NDUFB5: variants seen among roughly 807,000 people sequenced by gnomAD.
NDUFB5 encodes the protein NADH dehydrogenase [ubiquinone] 1 beta subcomplex subunit 5, mitochondrial.
In NDUFB5, 19 loss-of-function variants were observed where a neutral mutation model predicts 19.4. The observed-to-expected ratio is 0.98, with a 90% CI of 0.68 to 1.43. NDUFB5 has a LOEUF of 1.43. Among genes scored for constraint, NDUFB5 ranks in the 40% most tolerant of loss-of-function variants. NDUFB5 has a pLI of 0.00. For missense variants in NDUFB5, 233 were observed against 236.5 expected (o/e 0.99, Z 0.10); for synonymous variants, 80 against 82.6 (o/e 0.97, Z 0.17).
At position 179,615,035 on chromosome 3, in the gene NDUFB5, T is replaced by C; in HGVS notation, c.189T>C (p.Tyr63=). 1 of 1,607,254 alleles carries C rather than the reference T, an allele frequency of 6.2e-7. No homozygotes were observed. Among genetic ancestry groups the C allele is most frequent in the Non-Finnish European group, 8.5e-7 (1 of 1,175,696 alleles). The change falls in exon 2 of 6, where the codon TAT becomes TAC. Residue 63 remains tyrosine, a synonymous_variant. Coordinates refer to ENST00000259037, the MANE Select transcript of NDUFB5 (RefSeq NM_002492.4). ...RLFVIRPSRF[Y]DRRFLKLLRF... is the part of the protein sequence containing the mutation. Reference sequence around the variant, plus strand: ...TTGTCATCAGACCTTCTAGATTCTATGACAGGCGTTTTTTGAAGTTATTGG... The same window carrying C: ...TTGTCATCAGACCTTCTAGATTCTACGACAGGCGTTTTTTGAAGTTATTGG...
rs1011476176 is a variant in NDUFB5 at position 179,626,207 on chromosome 3, G to A, written c.*2167G>A. ...TGAGCATTTTTTCACATATCTAATG[G>A]CCATTCATATGTCTTCCTTTGAGAA... is the stretch of plus-strand genomic sequence containing the variant. On this transcript the variant is annotated 3_prime_UTR_variant, in exon 6 of 6. Coordinates refer to ENST00000259037, the MANE Select transcript of NDUFB5 (RefSeq NM_002492.4). 1 of 151,888 alleles carries A rather than the reference G, an allele frequency of 6.6e-6. No homozygotes were observed. The highest frequency in any genetic ancestry group is 2.4e-5 in the African/African-American group (1 of 41,330). The allele number at this position is 151,888 out of a possible 1,614,324, so 9.4% of individuals were successfully genotyped here. A position where few individuals can be genotyped will look rare whatever the true frequency, so the allele number is the denominator to read the frequency against.
chr3:179,613,591 T>TA (rs1375099550), intron 1 of NDUFB5, among the ~76,000 whole-genome samples: 1 of 152,234 alleles, frequency 6.6e-6, no homozygotes, highest in African/African-American at 2.4e-5. Flanking sequence ...CAAAAAAAAT[T>TA]ATGTATGTTT....
intron 5 of NDUFB5, among the ~76,000 whole-genome samples, chr3:179,618,864 A>C (rs1423854246): frequency 6.6e-6 from 1 of 152,172 alleles, no homozygotes; most frequent in East Asian, 1.9e-4. Context: ...AGGAAAAAAA[A>C]AATGGATAAA....
At chr3:179,615,473 CAG>C (rs557701423) in intron 2 of NDUFB5, 221 of 370,370 alleles carry the variant, frequency 6.0e-4, no homozygotes, top group African/African-American at 3.7e-3. Flanking sequence ...CAGAGAGTAA[CAG>C]GGATCTATAG....
In NDUFB5 at chr3:179,625,377, A is replaced by T. The variant is rs1400100096; in HGVS notation, c.*1337A>T. 6.6e-6 allele frequency: 1 copy of T among 152,206 alleles called. No individual in the cohort carries two copies. Among genetic ancestry groups the T allele is most frequent in the Non-Finnish European group, 1.5e-5 (1 of 68,040 alleles). The allele number at this position is 152,206 out of a possible 1,614,324, so 9.4% of individuals were successfully genotyped here. A position where few individuals can be genotyped will look rare whatever the true frequency, so the allele number is the denominator to read the frequency against. ...ATGGAGAAATAATTTTTTGCTGCCT[A>T]AACACACAAGTGAATTGAAAAGCCA... is the stretch of plus-strand genomic sequence containing the variant. On this transcript the variant is annotated 3_prime_UTR_variant, in exon 6 of 6. Coordinates refer to ENST00000259037, the MANE Select transcript of NDUFB5 (RefSeq NM_002492.4).
At chr3:179,622,835 T>A (rs1719574211) in intron 5 of NDUFB5, among the ~76,000 whole-genome samples, 1 of 152,202 alleles carries the variant, frequency 6.6e-6, no homozygotes, top group Non-Finnish European at 1.5e-5. Context: ...AACTATGTAT[T>A]CTATAAAAAC....
chr3:179,616,726 A>G (rs572981278), intron 3 of NDUFB5, among the ~76,000 whole-genome samples: 2 of 152,324 alleles, frequency 1.3e-5, no homozygotes, highest in Admixed American at 1.3e-4. Context: ...TTGTTACAGT[A>G]TAGAAAAACA....
In NDUFB5 at chr3:179,625,543, T is replaced by A. The variant is rs776854351; in HGVS notation, c.*1503T>A. Reference sequence around the variant, plus strand: ...ATATATTTCAAAATATAGTTATATATTTCAAAATAAGATATAGCAAGTTAG... The same window carrying A: ...ATATATTTCAAAATATAGTTATATAATTCAAAATAAGATATAGCAAGTTAG... On this transcript the variant is annotated 3_prime_UTR_variant, in exon 6 of 6. Coordinates refer to ENST00000259037, the MANE Select transcript of NDUFB5 (RefSeq NM_002492.4). 2.4e-4 allele frequency: 36 copies of A among 152,214 alleles called. No homozygotes were observed. Among genetic ancestry groups the A allele is most frequent in the Admixed American group, 2.3e-3 (35 of 15,270 alleles). The allele number at this position is 152,214 out of a possible 1,614,324, so 9.4% of individuals were successfully genotyped here.
chr3:179,607,681 T>C, intron 1 of NDUFB5: 1 of 690,346 alleles, frequency 1.4e-6, no homozygotes, highest in Admixed American at 2.1e-5. Flanking sequence ...ATCATCCAAC[T>C]CCAGAACTTT....
intron 1 of NDUFB5, among the ~76,000 whole-genome samples, chr3:179,609,665 C>A (rs1189938589): frequency 6.6e-6 from 1 of 152,114 alleles, no homozygotes; most frequent in Non-Finnish European, 1.5e-5. Context: ...TTTTGAGGAA[C>A]CCTCATGCTA....
chr3:179,621,085 T>TC (rs1719522210), intron 5 of NDUFB5, among the ~76,000 whole-genome samples: 1 of 151,994 alleles, frequency 6.6e-6, no homozygotes, highest in African/African-American at 2.4e-5. Flanking sequence ...TTTTCTTTCT[T>TC]CCCCCCGCCC....
In NDUFB5 at chr3:179,604,941, T is replaced by A. The variant is rs1157130833; in HGVS notation, c.124+2T>A. On this transcript the variant is annotated splice_donor_variant, in intron 1 of 5. Transcript: ENST00000259037. LOFTEE classifies it high-confidence loss of function. Reference sequence around the variant, plus strand: ...CTCGTGGCTTTCCGAAGGCTGCTGGTGGGTGCTGGCCTAGGGAGAACGGGC... The same window carrying A: ...CTCGTGGCTTTCCGAAGGCTGCTGGAGGGTGCTGGCCTAGGGAGAACGGGC... 3 of 1,582,122 alleles carry A rather than the reference T, an allele frequency of 1.9e-6. No homozygotes were observed. In the Admixed American group the frequency reaches 6.0e-5, roughly 32 times the overall value.
intron 1 of NDUFB5, among the ~76,000 whole-genome samples, chr3:179,605,375 A>G (rs1347036270): frequency 2.0e-5 from 3 of 152,200 alleles, no homozygotes; most frequent in Non-Finnish European, 4.4e-5. Context: ...GCTCAGGGCC[A>G]ACTTATTCTT....
intron 1 of NDUFB5, among the ~76,000 whole-genome samples, chr3:179,612,623 C>T (rs1560024537): frequency 6.6e-6 from 1 of 151,748 alleles, no homozygotes; most frequent in African/African-American, 2.4e-5. Flanking sequence ...ACTACAGGCG[C>T]CTGCCACCAC....
chr3:179,604,847 C>A lies in NDUFB5; in HGVS notation c.32C>A (p.Ser11Ter). Residue 11 changes from serine (S) to a stop codon, truncating the protein, a stop_gained, in exon 1 of 6, where the codon TCG becomes TAG. Transcript: ENST00000259037. LOFTEE classifies it high-confidence loss of function. ...GCCATGAGTTTGTTGCGGCGGGTTT[C>A]GGTTACTGCGGTGGCAGCTCTGTCT... The part of the protein sequence containing the change: MAAMSLLRRV[S>*]VTAVAALSGR... 1 of 1,604,354 alleles carries A rather than the reference C, an allele frequency of 6.2e-7. No homozygotes were observed. The highest frequency in any genetic ancestry group is 8.5e-7 in the Non-Finnish European group (1 of 1,177,502).
intron 1 of NDUFB5, among the ~76,000 whole-genome samples, chr3:179,608,189 T>G (rs969379425): frequency 2.7e-4 from 40 of 150,846 alleles, no homozygotes; most frequent in African/African-American, 8.8e-4. Context: ...TTTTTTTTTG[T>G]TTTGTTTTGT....
At chr3:179,616,923 A>T (rs1719394016) in intron 3 of NDUFB5, 60 bp from the exon 4 acceptor site, 1 of 1,315,916 alleles carries the variant, frequency 7.6e-7, no homozygotes, top group Non-Finnish European at 1.1e-6. Context: ...TTTAATGGTG[A>T]ATAATTAATT....
intron 1 of NDUFB5, among the ~76,000 whole-genome samples, chr3:179,612,264 TCTCGATCCCAGGAG>T (rs1474201538): frequency 2.5e-4 from 37 of 150,882 alleles, no homozygotes; most frequent in African/African-American, 8.8e-4. Flanking sequence ...TGGGAGGATC[TCTCGATCCCAGGAG>T]TTTGAGACCA....
Position 179,624,190 on chromosome 3 carries a change from G to A in NDUFB5, c.*150G>A. 1 of 661,958 alleles carries A rather than the reference G, an allele frequency of 1.5e-6. No individual in the cohort carries two copies. The highest frequency in any genetic ancestry group is 2.3e-6 in the Non-Finnish European group (1 of 436,748). The allele number at this position is 661,958 out of a possible 1,614,324, so 41.0% of individuals were successfully genotyped here. ...GTTCAGATTGAGGCTTTTGTTTGAG[G>A]AGTTTGGCTTCCAGTCCCCAAAGAA... On this transcript the variant is annotated 3_prime_UTR_variant, in exon 6 of 6. Coordinates refer to ENST00000259037, the MANE Select transcript of NDUFB5 (RefSeq NM_002492.4).
Sources: allele counts gnomAD v4.1 joint callset (sites outside exome capture counted in the v4.1 genomes callset), GRCh38; gene constraint gnomAD v4.1.1; transcripts MANE v1.5; gene names NCBI Gene and HGNC (gene_info 2026-07-23, HGNC 2026-07-21).